TCF3: variants seen among roughly 807,000 people sequenced by gnomAD.
The protein encoded by TCF3 is transcription factor E2-alpha.
Under a neutral mutation model 72.3 loss-of-function variants are expected in TCF3, and 54 were observed. The ratio of observed to expected loss-of-function variants is 0.75; its 90% CI spans 0.60 to 0.94. The LOEUF (loss-of-function observed/expected upper bound fraction) is 0.94, where lower values mean the gene tolerates loss of function less well. Ranked by LOEUF, TCF3 falls within the 40% of genes least tolerant of loss-of-function variation. The probability of loss-of-function intolerance (pLI) is 0.00; values close to 1 mark genes in which losing one functional copy is unlikely to be tolerated. For missense variants in TCF3, 1,078 were observed against 934.4 expected, an observed-to-expected ratio of 1.15 and a Z score of -2.00; for synonymous variants, 525 against 412.6, an observed-to-expected ratio of 1.27 and a Z score of -3.30.
chr19:1,648,781 C>T (rs1305660822), intron 2 of TCF3, among the ~76,000 whole-genome samples: 2 of 151,532 alleles, frequency 1.3e-5, no homozygotes, highest in African/African-American at 2.4e-5. Flanking sequence ...GTGCCCTCCC[C>T]CAACCTGTTT....
At chr19:1,651,802 C>A (rs552603324) in intron 1 of TCF3, among the ~76,000 whole-genome samples, 34 of 151,680 alleles carry the variant, frequency 2.2e-4, no homozygotes, top group Admixed American at 7.9e-4. Flanking sequence ...CCCGCGCGCC[C>A]CCCCCCGGCC....
intron 18 of TCF3, chr19:1,612,095 A>C (rs1599408213): frequency 8.6e-7 from 1 of 1,161,500 alleles, no homozygotes; most frequent in African/African-American, 1.6e-5. Context: ...TCCAGCCACA[A>C]AGACAGACAT....
chr19:1,638,242 G>A (rs941736575), intron 3 of TCF3, among the ~76,000 whole-genome samples: 2 of 152,234 alleles, frequency 1.3e-5, no homozygotes, highest in Non-Finnish European at 2.9e-5. Context: ...TAAGGAAACT[G>A]ACGCAAAAGA....
intron 5 of TCF3, among the ~76,000 whole-genome samples, chr19:1,630,080 C>T (rs1398183476): frequency 2.6e-5 from 4 of 152,206 alleles, no homozygotes; most frequent in Admixed American, 6.5e-5. Context: ...GGGCCCCACC[C>T]GTGGGGGTGG....
At chr19:1,649,810 G>A (rs2066719420) in intron 2 of TCF3, among the ~76,000 whole-genome samples, 1 of 151,844 alleles carries the variant, frequency 6.6e-6, no homozygotes, top group Non-Finnish European at 1.5e-5. Context: ...TTTAATTTTT[G>A]TATCTACAAT....
chr19:1,613,513 AGAT>A (rs1342554515), intron 18 of TCF3, among the ~76,000 whole-genome samples: 1 of 152,102 alleles, frequency 6.6e-6, no homozygotes, highest in Non-Finnish European at 1.5e-5. Context: ...TTCCCTCCCA[AGAT>A]GATGACTTTC....
rs775157719 is a variant in TCF3, at chr19:1,615,595, C to T, written c.1587-75G>A. 1 of 1,607,586 alleles carries T rather than the reference C, an allele frequency of 6.2e-7. No individual in the cohort carries two copies. On this transcript the variant is annotated intron_variant, in intron 17 of 18. Transcript: ENST00000262965. This position sits in a 1 kb window ranked among gnomAD's most constrained non-coding sequence, Gnocchi z 7.3. ...GGAAGAGCGTGGGGCCCGCCGACGG[C>T]CTCCCAGTGTGGGTGCGGTGTGCGT...
intron 16 of TCF3, among the ~76,000 whole-genome samples, chr19:1,618,613 G>A (rs572705924): frequency 1.1e-4 from 17 of 151,856 alleles, no homozygotes; most frequent in African/African-American, 3.1e-4. Context: ...CCTGGGCTGC[G>A]CCCTCTGCCT....
chr19:1,611,623 A>G lies in TCF3; in HGVS notation c.*84T>C, dbSNP rs954177159. ...ACAGGTGTGTGAGGTGTGGATGTGG[A>G]TGAAGCCCGGGGTCTCGAGTGGCCG... On this transcript the variant is annotated 3_prime_UTR_variant, in exon 19 of 19. Coordinates refer to ENST00000262965, the MANE Select transcript of TCF3 (RefSeq NM_003200.5). 1.6e-5 allele frequency: 25 copies of G among 1,524,238 alleles called. No homozygotes were observed. The African/African-American group carries it at 3.3e-4, about 20-fold the overall frequency. The allele number at this position is 1,524,238 out of a possible 1,614,324, so 94.4% of individuals were successfully genotyped here. A position where few individuals can be genotyped will look rare whatever the true frequency, so the allele number is the denominator to read the frequency against.
In TCF3 at chr19:1,611,264, T is replaced by A. The variant is rs943760755; in HGVS notation, c.*443A>T. On this transcript the variant is annotated 3_prime_UTR_variant, in exon 19 of 19. Transcript: ENST00000262965. ...AAGAATAAGCCAGGTTTCCACAGCA[T>A]CCCCCTTGAGTGATATGTTTCCATT... is the stretch of plus-strand genomic sequence containing the variant. 1 of 318,816 alleles carries A rather than the reference T, an allele frequency of 3.1e-6. No individual in the cohort carries two copies. Among genetic ancestry groups the A allele is most frequent in the Non-Finnish European group, 5.7e-6 (1 of 175,482 alleles). The allele number at this position is 318,816 out of a possible 1,614,324, so 19.7% of individuals were successfully genotyped here.
Position 1,611,762 on chromosome 19 carries a change from A to T in TCF3, c.1910T>A (p.Leu637His). ...SGVVGDPQMV[L>H]SAPHPGLSEA... ...GCTCAGGCCTGGGTGGGGAGCTGAA[A>T]GCACCATCTGGGGGTCTCCAACCAC... Residue 637 changes from leucine (L) to histidine (H), a missense_variant, in exon 19 of 19, where the codon CTT becomes CAT. Transcript: ENST00000262965. The T allele has an allele frequency of 6.2e-7, 1 of 1,613,514 alleles. No homozygotes were observed. The highest frequency in any genetic ancestry group is 8.5e-7 in the Non-Finnish European group (1 of 1,179,892).
rs949028526 is a variant in TCF3, at chr19:1,620,952, C to T, written c.1093+16G>A. The T allele has an allele frequency of 1.3e-6, 2 of 1,482,244 alleles. No individual in the cohort carries two copies. Among genetic ancestry groups the T allele is most frequent in the South Asian group, 1.4e-5 (1 of 73,376 alleles). 91.8% of individuals were successfully genotyped at this position (1,482,244 alleles called of 1,614,324 possible). ...CACAGACCTCAGCCTCCCCTCCCCCCAAAACCCTCACAGACCTGCCAGGCC... is the reference window on the plus strand; with the variant it reads ...CACAGACCTCAGCCTCCCCTCCCCCTAAAACCCTCACAGACCTGCCAGGCC... On this transcript the variant is annotated intron_variant, in intron 13 of 18. Transcript: ENST00000262965.
At chr19:1,637,587 G>A (rs1364304830) in intron 3 of TCF3, among the ~76,000 whole-genome samples, 1 of 152,108 alleles carries the variant, frequency 6.6e-6, no homozygotes, top group South Asian at 2.1e-4. Context: ...TGTGGGGACC[G>A]GAGAACCTGC....
Position 1,627,400 on chromosome 19 carries a change from C to G in TCF3, c.325G>C (p.Ala109Pro), listed in dbSNP as rs538284851. The stretch of plus-strand genomic sequence containing the variant: ...ACGCCTGCGTCTCTCCCGAAGGAGG[C>G]ATAGGCGCCCCGCTCACCGCTCTTG... ...GGKSGERGAY[A>P]SFGRDAGVGG... is the part of the protein sequence containing the mutation. The change falls in exon 6 of 19, where the codon GCC becomes CCC. Residue 109 changes from alanine to proline, a missense_variant. Ala to Pro is a conservative substitution (Grantham distance 27, BLOSUM62 -1). Transcript: ENST00000262965. The G allele has an allele frequency of 5.6e-6, 9 of 1,612,050 alleles. No individual in the cohort carries two copies. The highest frequency in any genetic ancestry group is 6.8e-6 in the Non-Finnish European group (8 of 1,179,740).
chr19:1,618,485 C>A (rs1054330105), intron 16 of TCF3, among the ~76,000 whole-genome samples: 1 of 152,100 alleles, frequency 6.6e-6, no homozygotes, highest in East Asian at 1.9e-4. Flanking sequence ...CACAAGGCCC[C>A]GCATGACCTG....
chr19:1,640,995 A>C (rs1485913078), intron 3 of TCF3, among the ~76,000 whole-genome samples: 1 of 152,014 alleles, frequency 6.6e-6, no homozygotes, highest in Non-Finnish European at 1.5e-5. Flanking sequence ...CTAAAACTAC[A>C]AAAAATTAGC....
At chr19:1,613,406 A>G (rs1356339684) in intron 18 of TCF3, among the ~76,000 whole-genome samples, 1 of 152,090 alleles carries the variant, frequency 6.6e-6, no homozygotes, top group Non-Finnish European at 1.5e-5. Context: ...CTGGGAGCCC[A>G]CAGGGTAACT....
chr19:1,650,434 G>A (rs1158089013), intron 1 of TCF3, 147 bp from the exon 2 acceptor site: 3 of 600,272 alleles, frequency 5.0e-6, no homozygotes, highest in East Asian at 5.7e-5. Context: ...CTGGGGGCAC[G>A]GGGAGCCCTG....
intron 18 of TCF3, among the ~76,000 whole-genome samples, 195 bp from the exon 19 acceptor site, chr19:1,612,044 T>G (rs1241146195): frequency 1.4e-5 from 2 of 142,246 alleles, no homozygotes; most frequent in Non-Finnish European, 3.1e-5. Flanking sequence ...AAGAAGAGAG[T>G]GGGTATCAGG....
Sources: gnomAD v4.1 joint callset for allele counts (sites outside exome capture counted in the v4.1 genomes callset) on GRCh38, gnomAD v4.1.1 for gene constraint, Gnocchi (gnomAD v3.1) non-coding constraint, MANE v1.5 for transcripts, NCBI Gene and HGNC (gene_info 2026-07-23, HGNC 2026-07-21) for gene names.